SLC16A7: variants seen among roughly 807,000 people sequenced by gnomAD.
SLC16A7 encodes solute carrier family 16 member 7.
A neutral mutation model predicts 34.9 loss-of-function variants in SLC16A7; 33 were observed. That is an observed-to-expected ratio of 0.94 (90% CI 0.72 to 1.26). SLC16A7 has a LOEUF of 1.26. Ranked by LOEUF, SLC16A7 falls within the 50% of genes most tolerant of loss-of-function variation. The probability of loss-of-function intolerance (pLI) is 0.00; values close to 1 mark genes in which losing one functional copy is unlikely to be tolerated. For synonymous variants in SLC16A7, 201 were observed against 206.6 expected, an observed-to-expected ratio of 0.97 and a Z score of 0.23; for missense variants, 573 against 578.1, an observed-to-expected ratio of 0.99 and a Z score of 0.09.
At chr12:59,639,890 C>T (rs1880598585) in intron 1 of SLC16A7, among the ~76,000 whole-genome samples, 1 of 152,168 alleles carries the variant, frequency 6.6e-6, no homozygotes, top group Non-Finnish European at 1.5e-5. Context: ...ACTTCAGATG[C>T]CAATCACATG....
intron 1 of SLC16A7, among the ~76,000 whole-genome samples, chr12:59,624,750 G>A (rs1265700642): frequency 6.6e-6 from 1 of 151,336 alleles, no homozygotes; most frequent in Non-Finnish European, 1.5e-5. Flanking sequence ...GTGTGTGTGT[G>A]TGTGTGTGTG....
chr12:59,613,314 G>A (rs762723562), intron 1 of SLC16A7, among the ~76,000 whole-genome samples: 50 of 152,130 alleles, frequency 3.3e-4, no homozygotes, highest in Non-Finnish European at 3.5e-4. Context: ...ACCACCCCAT[G>A]GTTAAATTCC....
At chr12:59,751,820 C>A (rs1440651962) in intron 3 of SLC16A7, among the ~76,000 whole-genome samples, 1 of 152,182 alleles carries the variant, frequency 6.6e-6, no homozygotes, top group Non-Finnish European at 1.5e-5. Flanking sequence ...GGTCCCTGAC[C>A]CCTGACCCCC....
intron 3 of SLC16A7, among the ~76,000 whole-genome samples, chr12:59,756,355 C>T (rs1446900616): frequency 1.3e-5 from 2 of 152,110 alleles, no homozygotes; most frequent in Non-Finnish European, 2.9e-5. Context: ...CCAACCTACT[C>T]ATCTGACAAA....
intron 2 of SLC16A7, among the ~76,000 whole-genome samples, chr12:59,697,641 G>A (rs1408908601): frequency 2.0e-5 from 3 of 150,510 alleles, no homozygotes; most frequent in East Asian, 3.9e-4. Flanking sequence ...AGCCAACCTC[G>A]TCTCAGGCAC....
chr12:59,746,716 A>G (rs1878931328), intron 3 of SLC16A7, among the ~76,000 whole-genome samples: 1 of 152,228 alleles, frequency 6.6e-6, no homozygotes, highest in South Asian at 2.1e-4. Flanking sequence ...TTCAAAGAAT[A>G]TTGACAAAGT....
At chr12:59,761,860 T>G (rs1293384967) in intron 3 of SLC16A7, among the ~76,000 whole-genome samples, 2 of 152,088 alleles carry the variant, frequency 1.3e-5, no homozygotes, top group African/African-American at 2.4e-5. Context: ...ATTCAGAGCA[T>G]TTTCATGGTA....
chr12:59,730,163 AC>A (rs573497078), intron 3 of SLC16A7, among the ~76,000 whole-genome samples: 274 of 152,032 alleles, frequency 1.8e-3, no homozygotes, highest in Non-Finnish European at 3.2e-3. Flanking sequence ...GTTATTGCTA[AC>A]ATATTTCCTC....
intron 2 of SLC16A7, among the ~76,000 whole-genome samples, chr12:59,690,603 G>A (rs1871536986): frequency 6.6e-6 from 1 of 151,962 alleles, no homozygotes; most frequent in Non-Finnish European, 1.5e-5. Context: ...TTGTTACACA[G>A]ATTAAGTCCA....
At chr12:59,711,938 G>A (rs1874269806) in intron 3 of SLC16A7, among the ~76,000 whole-genome samples, 2 of 152,164 alleles carry the variant, frequency 1.3e-5, no homozygotes, top group South Asian at 2.1e-4. Context: ...TGGAGAGTGA[G>A]CTCCAAAATA....
At chr12:59,720,753 C>G (rs183322449) in intron 3 of SLC16A7, among the ~76,000 whole-genome samples, 3 of 152,154 alleles carry the variant, frequency 2.0e-5, no homozygotes, top group African/African-American at 7.2e-5. Context: ...ATCACCATGT[C>G]GTATCTTCCA....
chr12:59,712,593 G>A (rs193212931), intron 3 of SLC16A7, among the ~76,000 whole-genome samples: 163 of 152,290 alleles, frequency 1.1e-3, no homozygotes, highest in Admixed American at 5.2e-3. Context: ...AGAAAGGCCC[G>A]TTTTCATTCA....
intron 1 of SLC16A7, 76 bp from the exon 2 acceptor site, chr12:59,655,076 A>T (rs1341053358): frequency 1.3e-5 from 2 of 151,930 alleles, no homozygotes; most frequent in African/African-American, 4.8e-5. Context: ...TCAGATATGG[A>T]GTTGGATATA....
intron 3 of SLC16A7, among the ~76,000 whole-genome samples, chr12:59,728,618 A>G (rs935500589): frequency 6.6e-6 from 1 of 152,190 alleles, no homozygotes; most frequent in African/African-American, 2.4e-5. Flanking sequence ...CTAGCTACTC[A>G]GGAGGCTGAA....
chr12:59,612,422 C>T (rs1029349745), intron 1 of SLC16A7, among the ~76,000 whole-genome samples: 2 of 152,172 alleles, frequency 1.3e-5, no homozygotes, highest in East Asian at 1.9e-4. Context: ...ACCCTGGGCC[C>T]AGACCACAGA....
chr12:59,672,372 G>T (rs1869952074), intron 2 of SLC16A7, among the ~76,000 whole-genome samples: 1 of 150,532 alleles, frequency 6.6e-6, no homozygotes, highest in Non-Finnish European at 1.5e-5. Flanking sequence ...CAGTTTGAAG[G>T]TATGGAAAGC....
intron 2 of SLC16A7, among the ~76,000 whole-genome samples, chr12:59,661,034 G>A (rs886944567): frequency 6.6e-5 from 10 of 151,978 alleles, no homozygotes; most frequent in African/African-American, 1.7e-4. Flanking sequence ...CTACATACCC[G>A]ATCATATTAC....
intron 3 of SLC16A7, among the ~76,000 whole-genome samples, chr12:59,758,554 G>T (rs1227489676): frequency 6.6e-6 from 1 of 151,848 alleles, no homozygotes; most frequent in Non-Finnish European, 1.5e-5. Context: ...TGATAATATT[G>T]ATGTAAAAAA....
intron 2 of SLC16A7, among the ~76,000 whole-genome samples, chr12:59,665,748 T>TAC (rs1255758917): frequency 2.6e-5 from 4 of 152,026 alleles, no homozygotes; most frequent in African/African-American, 7.2e-5. Flanking sequence ...TTTATATATA[T>TAC]ATACACACAC....
Sources: allele counts gnomAD v4.1 joint callset (sites outside exome capture counted in the v4.1 genomes callset), GRCh38; gene constraint gnomAD v4.1.1; transcripts MANE v1.5; gene names NCBI Gene and HGNC (gene_info 2026-07-23, HGNC 2026-07-21).